The following ADGRF3 variants were observed in gnomAD, a reference collection of about 807,000 sequenced individuals.
ADGRF3 encodes adhesion G protein-coupled receptor F3.
Under a neutral mutation model 93.2 loss-of-function variants are expected in ADGRF3, and 85 were observed. The ratio of observed to expected loss-of-function variants is 0.91; its 90% confidence interval spans 0.77 to 1.09. ADGRF3 has a LOEUF of 1.09. Ranked by LOEUF, ADGRF3 falls within the 50% of genes least tolerant of loss-of-function variation. The pLI, the probability that ADGRF3 is intolerant of heterozygous loss-of-function variation, is 0.00. For missense variants in ADGRF3, 1,125 were observed against 1,246.2 expected (o/e 0.90, Z 1.46); for synonymous variants, 534 against 532.5 (o/e 1.00, Z -0.04).
chr2:26,313,432 G>C lies in ADGRF3; in HGVS notation c.1214C>G (p.Pro405Arg), dbSNP rs528258945. The change falls in exon 8 of 14, where the codon CCG becomes CGG. Residue 405 changes from proline to arginine, a missense_variant. Pro to Arg is a moderately radical substitution (Grantham distance 103, BLOSUM62 -2). Coordinates refer to ENST00000651242, the MANE Select transcript of ADGRF3 (RefSeq NM_001321971.2). ...RLCGADGVWG[P>R]VHSSCTDARL... is the part of the protein sequence containing the mutation. ...CGCATCTGTGCAGCTGCTGTGGACC[G>C]GCCCCCAGACTCCGTCAGCCCCACA... The C allele has an allele frequency of 6.2e-7, 1 of 1,609,320 alleles. No individual in the cohort carries two copies. Among genetic ancestry groups the C allele is most frequent in the East Asian group, 2.2e-5 (1 of 44,670 alleles).
chr2:26,342,697 G>C (rs374154829), intron 1 of ADGRF3, among the ~76,000 whole-genome samples: 1 of 152,186 alleles, frequency 6.6e-6, no homozygotes, highest in Non-Finnish European at 1.5e-5. Flanking sequence ...GGGAAACAAA[G>C]CAATAATAAA....
chr2:26,314,334 T>C, intron 6 of ADGRF3, 80 bp downstream of exon 6: 1 of 1,337,686 alleles, frequency 7.5e-7, no homozygotes, highest in Non-Finnish European at 1.0e-6. Flanking sequence ...CTGTTTCTCA[T>C]GAGCTGAAGA....
At position 26,313,097 on chromosome 2, in the gene ADGRF3, G is replaced by T. The variant is rs535059132; in HGVS notation, c.1295C>A (p.Pro432His). The T allele has an allele frequency of 2.0e-5, 32 of 1,613,930 alleles. No individual in the cohort carries two copies. In the South Asian group the frequency reaches 3.4e-4, roughly 17 times the overall value. The part of the protein sequence containing the change: ...TKLLQAGQGS[P>H]AEEVPQILAQ... Reference sequence around the variant, plus strand: ...CAGGATCTGTGGCACCTCCTCAGCAGGACTGCCCTGGCCTGCCTGCAGCAG... The same window carrying T: ...CAGGATCTGTGGCACCTCCTCAGCATGACTGCCCTGGCCTGCCTGCAGCAG... The change falls in exon 9 of 14, where the codon CCT becomes CAT. Residue 432 changes from proline (P) to histidine (H), a missense_variant. By Grantham distance (77) the Pro-to-His change is moderately conservative. Transcript: ENST00000651242.
intron 1 of ADGRF3, among the ~76,000 whole-genome samples, chr2:26,320,556 G>A (rs1031873478): frequency 1.7e-4 from 26 of 152,066 alleles, no homozygotes; most frequent in Non-Finnish European, 2.8e-4. Flanking sequence ...CCAACTTTAC[G>A]CATCAGAAAT....
In ADGRF3 at chr2:26,313,517, C is replaced by T. The variant is rs751303414; in HGVS notation, c.1129G>A (p.Ala377Thr). 1.2e-6 allele frequency: 2 copies of T among 1,611,778 alleles called. No individual in the cohort carries two copies. Among genetic ancestry groups the T allele is most frequent in the African/African-American group, 1.3e-5 (1 of 74,914 alleles). Residue 377 changes from alanine to threonine, a missense_variant, in exon 8 of 14, where the codon GCT becomes ACT. Transcript: ENST00000651242. ...ASVLTWNVTK[A>T]GHVAQAPCPE... The stretch of plus-strand genomic sequence containing the variant: ...CATGGGGCCTGTGCCACGTGGCCAG[C>T]CTTGGTGACATTCCAGGTGAGCACC...
rs760525948 is a variant in ADGRF3, at chr2:26,314,628, A to C, written c.719-5T>G. Reference sequence around the variant, plus strand: ...CGAAGCAGCTCATGTACTCACCTGCAGAAACGTGTGTGCGGCGCTATGTGG... The same window carrying C: ...CGAAGCAGCTCATGTACTCACCTGCCGAAACGTGTGTGCGGCGCTATGTGG... On this transcript the variant is annotated splice_polypyrimidine_tract_variant and splice_region_variant and intron_variant, in intron 5 of 13. Coordinates refer to ENST00000651242, the MANE Select transcript of ADGRF3 (RefSeq NM_001321971.2). The C allele has an allele frequency of 6.2e-7, 1 of 1,613,002 alleles. No individual in the cohort carries two copies.
chr2:26,317,862 T>C (rs1464530666), intron 1 of ADGRF3: 3 of 698,636 alleles, frequency 4.3e-6, no homozygotes, highest in Non-Finnish European at 7.6e-6. Flanking sequence ...TTGAAATGGC[T>C]TGGTCTGGAG....
At position 26,308,927 on chromosome 2, in the gene ADGRF3, T is replaced by C; in HGVS notation, c.*159A>G. ...TTTAGAAATGAGAAGGGGTGAGCTG[T>C]AAGATAAATGAGTGTCACTAAGGGA... On this transcript the variant is annotated 3_prime_UTR_variant, in exon 14 of 14. Transcript: ENST00000651242. 3.2e-6 allele frequency: 3 copies of C among 933,156 alleles called. No individual in the cohort carries two copies. Among genetic ancestry groups the C allele is most frequent in the Non-Finnish European group, 3.3e-6 (2 of 598,886 alleles). 57.8% of individuals were successfully genotyped at this position (933,156 alleles called of 1,614,324 possible).
At chr2:26,342,035 T>C (rs1676427709) in intron 1 of ADGRF3, among the ~76,000 whole-genome samples, 1 of 150,496 alleles carries the variant, frequency 6.6e-6, no homozygotes, top group Non-Finnish European at 1.5e-5. Flanking sequence ...ATTGCGCCAC[T>C]GCACTCCAGC....
intron 2 of ADGRF3, 104 bp from the exon 3 acceptor site, chr2:26,317,159 A>G: frequency 8.1e-7 from 1 of 1,234,954 alleles, no homozygotes; most frequent in Admixed American, 2.5e-5. Flanking sequence ...AATGCAGAGC[A>G]GACCCCCTCC....
At chr2:26,331,949 C>G (rs1380847764) in intron 1 of ADGRF3, among the ~76,000 whole-genome samples, 1 of 152,042 alleles carries the variant, frequency 6.6e-6, no homozygotes, top group Non-Finnish European at 1.5e-5. Context: ...TTTTTCTGCT[C>G]CTTTTTTTCT....
Position 26,315,660 on chromosome 2 carries a change from C to A in ADGRF3, c.580G>T (p.Ala194Ser). Reference protein sequence around the residue: ...LSLTLHLSQEATNLSWFLRHP... With the variant: ...LSLTLHLSQESTNLSWFLRHP... ...CTCAGGAACCAGCTCAGGTTGGTGG[C>A]CTCCTGGCTCAGATGGAGAGTCAGG... Residue 194 changes from alanine to serine, a missense_variant, in exon 5 of 14, where the codon GCC (alanine) becomes TCC (serine). Coordinates refer to ENST00000651242, the MANE Select transcript of ADGRF3 (RefSeq NM_001321971.2). 1 of 1,551,598 alleles carries A rather than the reference C, an allele frequency of 6.4e-7. No individual in the cohort carries two copies.
In ADGRF3 at chr2:26,312,950, G is replaced by C. The variant is rs770183615; in HGVS notation, c.1442C>G (p.Ala481Gly). 76 of 1,609,658 alleles carry C rather than the reference G, an allele frequency of 4.7e-5. No homozygotes were observed. The South Asian group carries it at 8.0e-4, about 17-fold the overall frequency. The change falls in exon 9 of 14, where the codon GCC (alanine) becomes GGC (glycine). Residue 481 changes from alanine (A) to glycine (G), a missense_variant. Coordinates refer to ENST00000651242, the MANE Select transcript of ADGRF3 (RefSeq NM_001321971.2). ...AEARIQLDRR[A>G]LKNLLIATDK... ...GTGGCTCAGAGATCTCACCTTCAGGGCTCTGCGGTCAAGCTGTATTCTGGC... is the reference window on the plus strand; with the variant it reads ...GTGGCTCAGAGATCTCACCTTCAGGCCTCTGCGGTCAAGCTGTATTCTGGC...
intron 9 of ADGRF3, 41 bp downstream of exon 9, chr2:26,312,902 C>T (rs765921836): frequency 2.1e-5 from 33 of 1,549,274 alleles, no homozygotes; most frequent in East Asian, 4.8e-5. Context: ...CTTCAGCCCC[C>T]GACTGCCCAG....
chr2:26,346,087 C>A (rs1033554556), intron 1 of ADGRF3, 34 bp downstream of exon 1: 3 of 1,546,004 alleles, frequency 1.9e-6, no homozygotes, highest in Non-Finnish European at 8.7e-7. Context: ...GAGGCGGCTA[C>A]GCGTGCGCGG....
rs1040250759 is a variant in ADGRF3, at chr2:26,311,842, G to T, written c.1682C>A (p.Thr561Asn). Residue 561 changes from threonine to asparagine, a missense_variant, in exon 10 of 14, where the codon ACT becomes AAT. Transcript: ENST00000651242. ...FPADYSISFP[T>N]RPPLQAQIPR... Reference sequence around the variant, plus strand: ...AATCTGAGCCTGCAGTGGGGGCCGAGTAGGGAAGGAGATGCTGTAGTCAGC... The same window carrying T: ...AATCTGAGCCTGCAGTGGGGGCCGATTAGGGAAGGAGATGCTGTAGTCAGC... The T allele has an allele frequency of 4.3e-6, 7 of 1,613,804 alleles. No individual in the cohort carries two copies. The highest frequency in any genetic ancestry group is 5.9e-6 in the Non-Finnish European group (7 of 1,179,856).
rs566970761 is a variant in ADGRF3, at chr2:26,327,860, G to C, written c.115-10298C>G. ...AAAAAAAAAAAAATTTTGCCACTCTGTGGTATTCTGTTATTGCAACACAAA... is the reference window on the plus strand; with the variant it reads ...AAAAAAAAAAAAATTTTGCCACTCTCTGGTATTCTGTTATTGCAACACAAA... On this transcript the variant is annotated intron_variant, in intron 1 of 13. Coordinates refer to ENST00000651242, the MANE Select transcript of ADGRF3 (RefSeq NM_001321971.2). Among the ~76,000 whole-genome samples the C allele has an allele frequency of 1.8e-4, 27 of 152,062 alleles. 1 individual carries two copies. In the South Asian group the frequency reaches 5.2e-3, roughly 29 times the overall value.
chr2:26,317,117 T>C, intron 2 of ADGRF3, 62 bp from the exon 3 acceptor site: 1 of 1,529,054 alleles, frequency 6.5e-7, no homozygotes, highest in Non-Finnish European at 8.8e-7. Flanking sequence ...CGGTCCCCTC[T>C]GGATTCTCTC....
intron 1 of ADGRF3, among the ~76,000 whole-genome samples, chr2:26,337,151 A>G (rs1486926850): frequency 1.3e-5 from 2 of 152,216 alleles, no homozygotes; most frequent in African/African-American, 2.4e-5. Flanking sequence ...TGATTGTCCT[A>G]TACTTTTCTG....
Sources: allele counts gnomAD v4.1 joint callset (sites outside exome capture counted in the v4.1 genomes callset), GRCh38; gene constraint gnomAD v4.1.1; transcripts MANE v1.5; gene names NCBI Gene and HGNC (gene_info 2026-07-23, HGNC 2026-07-21).